Variants in KCTD1 observed in about 807,000 individuals in gnomAD.
KCTD1 encodes the protein BTB/POZ domain-containing protein KCTD1.
Under a neutral mutation model 66.0 loss-of-function variants are expected in KCTD1, and 24 were observed. The ratio of observed to expected loss-of-function variants is 0.36; its 90% CI spans 0.26 to 0.51. The LOEUF is 0.51. Among genes scored for constraint, KCTD1 ranks in the 20% least tolerant of loss-of-function variants. KCTD1 has a pLI of 0.95. For missense variants in KCTD1, 943 were observed against 1,205.2 expected, an observed-to-expected ratio of 0.78 and a Z score of 3.22; for synonymous variants, 511 against 517.2, an observed-to-expected ratio of 0.99 and a Z score of 0.16.
chr18:26,641,253 G>C (rs893866078), upstream of KCTD1, among the ~76,000 whole-genome samples: 1 of 152,144 alleles, frequency 6.6e-6, no homozygotes, highest in Non-Finnish European at 1.5e-5. Flanking sequence ...CCAAACATCT[G>C]GGGGCAGAGC....
intron 1 of KCTD1, among the ~76,000 whole-genome samples, chr18:26,637,342 G>A (rs1282634967): frequency 6.6e-6 from 1 of 152,220 alleles, no homozygotes; most frequent in African/African-American, 2.4e-5. Context: ...TTGGCTTTAT[G>A]TGAACCCCAG....
At chr18:26,512,112 C>T (rs1479440112) in intron 1 of KCTD1, among the ~76,000 whole-genome samples, 1 of 152,088 alleles carries the variant, frequency 6.6e-6, no homozygotes, top group Non-Finnish European at 1.5e-5. Context: ...CTCTGAGATT[C>T]TTTTTTGTGG....
chr18:26,595,571 T>G (rs1219075691), intron 1 of KCTD1, among the ~76,000 whole-genome samples: 2 of 152,210 alleles, frequency 1.3e-5, no homozygotes, highest in African/African-American at 4.8e-5. Flanking sequence ...AAAGTGACTT[T>G]GGGATAAGAA....
chr18:26,535,373 A>G lies in KCTD1; in HGVS notation c.1809+11355T>C, dbSNP rs185273430. ...TGAACAGATAAAGAACCACAGAAACAGAGGACTGGTCCCAGCGAGCGTCAG... is the reference window on the plus strand; with the variant it reads ...TGAACAGATAAAGAACCACAGAAACGGAGGACTGGTCCCAGCGAGCGTCAG... On this transcript the variant is annotated intron_variant, in intron 1 of 4. Transcript: ENST00000580059. Among the ~76,000 whole-genome samples, 327 of 152,276 alleles carry G rather than the reference A, an allele frequency of 2.1e-3. 3 individuals carry two copies. The highest frequency in any genetic ancestry group is 7.5e-3 in the African/African-American group (311 of 41,538).
At chr18:26,520,106 C>T (rs1201604149) in intron 1 of KCTD1, among the ~76,000 whole-genome samples, 2 of 152,170 alleles carry the variant, frequency 1.3e-5, no homozygotes, top group Non-Finnish European at 2.9e-5. Context: ...ATAGATTTTG[C>T]ATATTAGCAT....
chr18:26,612,646 A>G (rs1208934427), intron 1 of KCTD1, among the ~76,000 whole-genome samples: 1 of 152,202 alleles, frequency 6.6e-6, no homozygotes, highest in African/African-American at 2.4e-5. Context: ...TGCTGCTGAT[A>G]TTTTGATTTC....
chr18:26,532,032 T>C (rs1014012771), intron 1 of KCTD1, among the ~76,000 whole-genome samples: 4 of 152,138 alleles, frequency 2.6e-5, no homozygotes, highest in African/African-American at 2.4e-5. Context: ...GGAAGGAAAG[T>C]GTGTATCCCA....
At chr18:26,488,664 T>C (rs968898774) in intron 2 of KCTD1, among the ~76,000 whole-genome samples, 3 of 152,186 alleles carry the variant, frequency 2.0e-5, no homozygotes, top group African/African-American at 7.2e-5. Flanking sequence ...TTGAAAGTGG[T>C]GGTTAGCTGT....
chr18:26,640,595 G>A (rs921635618), upstream of KCTD1, among the ~76,000 whole-genome samples: 2 of 152,166 alleles, frequency 1.3e-5, no homozygotes, highest in African/African-American at 2.4e-5. Context: ...GTGTGTCCAG[G>A]AGGGATTGAG....
intron 1 of KCTD1, among the ~76,000 whole-genome samples, chr18:26,538,921 A>G (rs1412772917): frequency 6.6e-6 from 1 of 152,220 alleles, no homozygotes; most frequent in Non-Finnish European, 1.5e-5. Context: ...GGCCCCACAC[A>G]GCAAAACGGA....
chr18:26,599,600 G>C, intron 1 of KCTD1: 1 of 1,497,266 alleles, frequency 6.7e-7, no homozygotes, highest in South Asian at 1.1e-5. Context: ...TATTTTGTCG[G>C]GTTTAGTCCC....
intron 1 of KCTD1, among the ~76,000 whole-genome samples, chr18:26,610,590 A>T (rs1340607996): frequency 6.9e-6 from 1 of 145,808 alleles, no homozygotes; most frequent in Non-Finnish European, 1.5e-5. Flanking sequence ...AGAGAGAGAG[A>T]AAGAAAGGAA....
In KCTD1 at chr18:26,582,392, AAAT is replaced by A. The variant is rs796148563; in HGVS notation, c.-16+46752_-16+46754del. Among the ~76,000 whole-genome samples the A allele has an allele frequency of 5.3e-5, 8 of 152,346 alleles. 1 individual carries two copies. The South Asian group carries it at 1.4e-3, about 28-fold the overall frequency. On this transcript the variant is annotated intron_variant, in intron 1 of 4. Transcript: ENST00000317932. ...TCATAAGAGAAAAGCAAATTAAACTAAATGAGTTATTGTTTTTCCACCTCTCAG... is the reference window on the plus strand; with the variant it reads ...TCATAAGAGAAAAGCAAATTAAACTAGAGTTATTGTTTTTCCACCTCTCAG...
Position 26,577,673 on chromosome 18 carries a change from A to G in KCTD1, c.-16+51474T>C, listed in dbSNP as rs1039848612. Among the ~76,000 whole-genome samples the G allele has an allele frequency of 3.3e-5, 5 of 152,056 alleles. No homozygotes were observed. In the East Asian group the frequency reaches 5.8e-4, roughly 18 times the overall value. The stretch of plus-strand genomic sequence containing the variant: ...GGATCCTCCCTCCTCAGCCTGCTGA[A>G]TGGCTAGGACTACGGGAGTCCAACA... On this transcript the variant is annotated intron_variant, in intron 1 of 4. Coordinates refer to the KCTD1 transcript ENST00000317932.
intron 1 of KCTD1, among the ~76,000 whole-genome samples, chr18:26,627,610 A>C (rs1037388421): frequency 3.2e-4 from 49 of 152,316 alleles, no homozygotes; most frequent in African/African-American, 1.0e-3. Context: ...GTTGTAATGA[A>C]GCTATGTATC....
intron 1 of KCTD1, among the ~76,000 whole-genome samples, chr18:26,609,432 C>T (rs1987087118): frequency 2.0e-5 from 3 of 152,180 alleles, no homozygotes; most frequent in African/African-American, 7.2e-5. Flanking sequence ...CCAAATTCAG[C>T]CCTGGGAGGT....
intron 1 of KCTD1, 115 bp from the exon 2 acceptor site, chr18:26,501,365 C>T (rs1982754260): frequency 1.1e-6 from 1 of 921,344 alleles, no homozygotes; most frequent in Non-Finnish European, 1.6e-6. Context: ...GTAATAAAAC[C>T]TGAAAAACCG....
chr18:26,564,080 A>G (rs1299498378), intron 1 of KCTD1, among the ~76,000 whole-genome samples: 1 of 151,552 alleles, frequency 6.6e-6, no homozygotes, highest in Non-Finnish European at 1.5e-5. Context: ...GGTATTTGAC[A>G]GATGTTTCTT....
At chr18:26,577,215 T>C (rs1342855745) in intron 1 of KCTD1, among the ~76,000 whole-genome samples, 2 of 152,228 alleles carry the variant, frequency 1.3e-5, no homozygotes, top group Non-Finnish European at 2.9e-5. Flanking sequence ...ACTCCTTCCA[T>C]TTCTTCAGAC....
Sources: allele counts gnomAD v4.1 joint callset (sites outside exome capture counted in the v4.1 genomes callset), GRCh38; gene constraint gnomAD v4.1.1; transcripts MANE v1.5; gene names NCBI Gene and HGNC (gene_info 2026-07-23, HGNC 2026-07-21).